The following FSTL5 variants were observed in gnomAD, a reference collection of about 807,000 sequenced individuals.
FSTL5 encodes follistatin-related protein 5.
FSTL5 carries 62 observed loss-of-function variants against 89.1 expected under a neutral mutation model. That is an observed-to-expected ratio of 0.70 (90% CI 0.57 to 0.86). The LOEUF (loss-of-function observed/expected upper bound fraction) is 0.86, where lower values mean the gene tolerates loss of function less well. FSTL5 is among the 40% of genes least tolerant of loss of function. The pLI is 0.00. For synonymous variants in FSTL5, 383 were observed against 346.2 expected (o/e 1.11, Z -1.18); for missense variants, 1,057 against 1,001.6 (o/e 1.06, Z -0.75).
At chr4:161,837,672 AG>A (rs61516097) in intron 4 of FSTL5, among the ~76,000 whole-genome samples, 1,921 of 152,294 alleles carry the variant, frequency 0.013, 36 homozygotes, top group African/African-American at 0.043. Context: ...TTCATAAAAA[AG>A]GAAATCCAAT....
intron 6 of FSTL5, among the ~76,000 whole-genome samples, chr4:161,745,090 A>G (rs894056652): frequency 6.6e-6 from 1 of 151,770 alleles, no homozygotes; most frequent in African/African-American, 2.4e-5. Context: ...AAACAACAAC[A>G]AAAAATAAAC....
At position 161,386,451 on chromosome 4, in the gene FSTL5, T is replaced by A; in HGVS notation, c.1842-2A>T. The stretch of plus-strand genomic sequence containing the variant: ...TCTTTATGAAGAATAAATCCAAACC[T>A]GAAAAAAATGAAAATCAGAGTTAGA... On this transcript the variant is annotated splice_acceptor_variant, in intron 15 of 15. Coordinates refer to ENST00000306100, the MANE Select transcript of FSTL5 (RefSeq NM_020116.5). LOFTEE classifies it high-confidence loss of function. 5 of 1,578,166 alleles carry A rather than the reference T, an allele frequency of 3.2e-6. No individual in the cohort carries two copies. The highest frequency in any genetic ancestry group is 4.3e-6 in the Non-Finnish European group (5 of 1,160,888).
intron 7 of FSTL5, among the ~76,000 whole-genome samples, chr4:161,655,831 T>A (rs1318912629): frequency 6.6e-6 from 1 of 152,146 alleles, no homozygotes; most frequent in East Asian, 1.9e-4. Context: ...TTAGCACATA[T>A]AAATCCCCCT....
chr4:161,615,543 A>ACACATGCATGTACACG (rs1371718715), intron 7 of FSTL5, among the ~76,000 whole-genome samples: 1 of 151,790 alleles, frequency 6.6e-6, no homozygotes, highest in Non-Finnish European at 1.5e-5. Context: ...ACAAACACAC[A>ACACATGCATGTACACG]CACATGCATG....
intron 15 of FSTL5, among the ~76,000 whole-genome samples, chr4:161,423,421 C>T (rs959015263): frequency 1.3e-5 from 2 of 152,070 alleles, no homozygotes; most frequent in Non-Finnish European, 2.9e-5. Context: ...CAATTGCTTT[C>T]ATTGACTATA....
chr4:161,605,011 A>C (rs957334294), intron 7 of FSTL5, among the ~76,000 whole-genome samples: 1 of 152,174 alleles, frequency 6.6e-6, no homozygotes, highest in Non-Finnish European at 1.5e-5. Context: ...CGAGTACCTA[A>C]ATTTTCAATA....
chr4:162,124,840 C>A (rs1485478076), intron 1 of FSTL5, among the ~76,000 whole-genome samples: 1 of 152,178 alleles, frequency 6.6e-6, no homozygotes, highest in Non-Finnish European at 1.5e-5. Context: ...GCTGGGACTA[C>A]AGGCGCCCGC....
chr4:162,066,371 C>G (rs1477017256), intron 2 of FSTL5, among the ~76,000 whole-genome samples: 1 of 130,498 alleles, frequency 7.7e-6, no homozygotes, highest in African/African-American at 2.9e-5. Flanking sequence ...TCTTCTTCTT[C>G]TCCTTCTTCT....
At chr4:162,008,266 A>G (rs1411004149) in intron 3 of FSTL5, among the ~76,000 whole-genome samples, 1 of 151,910 alleles carries the variant, frequency 6.6e-6, no homozygotes, top group African/African-American at 2.4e-5. Context: ...TATAAAATTA[A>G]GAAAATACAG....
At chr4:161,576,202 C>T (rs1733202460) in intron 8 of FSTL5, among the ~76,000 whole-genome samples, 2 of 152,122 alleles carry the variant, frequency 1.3e-5, no homozygotes, top group South Asian at 4.1e-4. Context: ...ATTCCATGCT[C>T]ATAGATAGGA....
intron 2 of FSTL5, among the ~76,000 whole-genome samples, chr4:162,059,512 T>C (rs1171434972): frequency 1.3e-5 from 2 of 152,142 alleles, no homozygotes. Flanking sequence ...TAATATCTAT[T>C]TGTGTTTATT....
intron 2 of FSTL5, among the ~76,000 whole-genome samples, chr4:162,064,319 T>C (rs1412422837): frequency 6.6e-6 from 1 of 152,032 alleles, no homozygotes; most frequent in Non-Finnish European, 1.5e-5. Context: ...TTATCAAAAA[T>C]GATACATGCA....
chr4:161,587,745 T>C (rs1733666178), intron 7 of FSTL5, among the ~76,000 whole-genome samples, 170 bp from the exon 8 acceptor site: 1 of 152,216 alleles, frequency 6.6e-6, no homozygotes, highest in Non-Finnish European at 1.5e-5. Flanking sequence ...AATTATAATT[T>C]TCTAACAATA....
chr4:162,118,347 G>GAA (rs1731728478), intron 1 of FSTL5, among the ~76,000 whole-genome samples: 1 of 151,856 alleles, frequency 6.6e-6, no homozygotes, highest in Non-Finnish European at 1.5e-5. Flanking sequence ...TGCAAGCTCC[G>GAA]CCTTGCGGGT....
intron 12 of FSTL5, among the ~76,000 whole-genome samples, chr4:161,487,353 T>A (rs149187954): frequency 6.6e-6 from 1 of 152,288 alleles, no homozygotes; most frequent in Non-Finnish European, 1.5e-5. Flanking sequence ...AGAGTAGTAC[T>A]AATCAAAATG....
chr4:161,998,305 T>C (rs1736360454), intron 3 of FSTL5, among the ~76,000 whole-genome samples: 1 of 152,072 alleles, frequency 6.6e-6, no homozygotes. Context: ...GCCAGGGATG[T>C]TTTCTCAAGG....
intron 7 of FSTL5, among the ~76,000 whole-genome samples, chr4:161,626,452 G>T (rs750086363): frequency 6.6e-6 from 1 of 152,020 alleles, no homozygotes; most frequent in Non-Finnish European, 1.5e-5. Flanking sequence ...AATATTTTAA[G>T]CCCACTATTG....
intron 6 of FSTL5, among the ~76,000 whole-genome samples, chr4:161,707,503 A>C (rs1395183745): frequency 6.6e-6 from 1 of 151,928 alleles, no homozygotes; most frequent in Non-Finnish European, 1.5e-5. Context: ...TTGTTACGGC[A>C]TAAAGACGGA....
intron 3 of FSTL5, among the ~76,000 whole-genome samples, chr4:161,993,320 TAAGA>T (rs1736192339): frequency 6.6e-6 from 1 of 151,688 alleles, no homozygotes. Flanking sequence ...CAAGATCAAC[TAAGA>T]AAGAAAAAGG....
Sources: allele counts gnomAD v4.1 joint callset (sites outside exome capture counted in the v4.1 genomes callset), GRCh38; gene constraint gnomAD v4.1.1; transcripts MANE v1.5; gene names NCBI Gene and HGNC (gene_info 2026-07-23, HGNC 2026-07-21).